Variants in IFT27 observed in about 807,000 individuals in gnomAD.
The protein encoded by IFT27 is intraflagellar transport protein 27 homolog.
A neutral mutation model predicts 23.9 loss-of-function variants in IFT27; 19 were observed. The ratio of observed to expected loss-of-function variants is 0.79; its 90% CI spans 0.55 to 1.16. The LOEUF (loss-of-function observed/expected upper bound fraction) is 1.16, where lower values mean the gene tolerates loss of function less well. Ranked by LOEUF, IFT27 falls within the 50% of genes most tolerant of loss-of-function variation. The pLI, the probability that IFT27 is intolerant of heterozygous loss-of-function variation, is 0.00. For synonymous variants in IFT27, 91 were observed against 89.1 expected (o/e 1.02, Z -0.12); for missense variants, 206 against 228.7 (o/e 0.90, Z 0.64).
In IFT27 at chr22:36,767,871, T is replaced by C. The variant is rs1268099247; in HGVS notation, c.35-9A>G. On this transcript the variant is annotated splice_polypyrimidine_tract_variant and intron_variant, in intron 1 of 6. Coordinates refer to ENST00000433985, the MANE Select transcript of IFT27 (RefSeq NM_001177701.3). ...GCCCACTGCTGGGTCTCCTGTGAGA[T>C]CAGAAAAGAAGAAAAAGAACGCCTT... 6.2e-7 allele frequency: 1 copy of C among 1,612,246 alleles called. No individual in the cohort carries two copies. The highest frequency in any genetic ancestry group is 8.5e-7 in the Non-Finnish European group (1 of 1,178,476).
intron 1 of IFT27, among the ~76,000 whole-genome samples, chr22:36,773,186 C>T (rs2145925809): frequency 6.6e-6 from 1 of 151,528 alleles, no homozygotes; most frequent in Admixed American, 6.6e-5. Context: ...TGGTGAAACC[C>T]CATCTCTACT....
In IFT27 at chr22:36,775,724, G is replaced by A. The variant is rs1172391809; in HGVS notation, c.-17C>T. The A allele has an allele frequency of 1.2e-6, 2 of 1,613,996 alleles. No individual in the cohort carries two copies. Among genetic ancestry groups the A allele is most frequent in the Non-Finnish European group, 1.7e-6 (2 of 1,179,966 alleles). On this transcript the variant is annotated 5_prime_UTR_variant, in exon 1 of 7. Transcript: ENST00000433985. ...CTTCACCATGGTAACCAACACTCCC[G>A]CGAGCCGTACCCAGAGGACAAGAGC...
Position 36,764,033 on chromosome 22 carries a change from C to G in IFT27, c.238G>C (p.Glu80Gln), listed in dbSNP as rs1938172661. 4 of 1,607,732 alleles carry G rather than the reference C, an allele frequency of 2.5e-6. No individual in the cohort carries two copies. Among genetic ancestry groups the G allele is most frequent in the Non-Finnish European group, 3.4e-6 (4 of 1,174,042 alleles). ...LFSEMLDKLW[E>Q]SPNVLCLVYD... ...ACGAGACATAAGACATTGGGACTCT[C>G]CCACTGTGCAAGAGGGACAGGATGA... The change falls in exon 5 of 7, where the codon GAG becomes CAG. Residue 80 changes from glutamate to glutamine, a missense_variant. Coordinates refer to ENST00000433985, the MANE Select transcript of IFT27 (RefSeq NM_001177701.3).
rs1938293723 is a variant in IFT27, at chr22:36,767,832, G to T, written c.65C>A (p.Ala22Glu). Residue 22 changes from alanine to glutamate, a missense_variant, in exon 2 of 7, where the codon GCA becomes GAA. Coordinates refer to ENST00000433985, the MANE Select transcript of IFT27 (RefSeq NM_001177701.3). The part of the protein sequence containing the change: ...GDPAVGKTAL[A>E]QIFRSDGAHF... The stretch of plus-strand genomic sequence containing the variant: ...GGCTCCATCACTGCGGAAGATCTGT[G>T]CCAGGGCGGTCTTGCCCACTGCTGG... 1.2e-6 allele frequency: 2 copies of T among 1,614,200 alleles called. No homozygotes were observed. Among genetic ancestry groups the T allele is most frequent in the Non-Finnish European group, 8.5e-7 (1 of 1,180,024 alleles).
At position 36,775,962 on chromosome 22, in the gene IFT27, C is replaced by T; in HGVS notation, c.-255G>A. 3.4e-6 allele frequency: 2 copies of T among 588,440 alleles called. No individual in the cohort carries two copies. The highest frequency in any genetic ancestry group is 4.0e-5 in the South Asian group (2 of 50,454). The allele number at this position is 588,440 out of a possible 1,614,324, so 36.5% of individuals were successfully genotyped here. Reference sequence around the variant, plus strand: ...GGGCCCGGCTCGAGGCCTGACACGGCAGTCTGAAAAGGTGCAAGCGAGCGG... The same window carrying T: ...GGGCCCGGCTCGAGGCCTGACACGGTAGTCTGAAAAGGTGCAAGCGAGCGG... On this transcript the variant is annotated 5_prime_UTR_variant, in exon 1 of 7. Coordinates refer to ENST00000433985, the MANE Select transcript of IFT27 (RefSeq NM_001177701.3).
chr22:36,763,156 G>A, intron 5 of IFT27, 143 bp from the exon 6 acceptor site: 1 of 517,456 alleles, frequency 1.9e-6, no homozygotes, highest in Non-Finnish European at 3.4e-6. Context: ...CCCCCACAGG[G>A]AAAGCCGGGG....
intron 3 of IFT27, 40 bp downstream of exon 3, chr22:36,767,266 G>C: frequency 1.3e-6 from 2 of 1,555,636 alleles, no homozygotes; most frequent in Non-Finnish European, 1.8e-6. Context: ...GGGCCCAGCT[G>C]GGGGAGCCCT....
chr22:36,772,477 A>T (rs1019988880), intron 1 of IFT27: 12 of 983,866 alleles, frequency 1.2e-5, no homozygotes, highest in Middle Eastern at 5.2e-4. Context: ...GTGTTTTTTT[A>T]AAAGTAAACA....
chr22:36,775,849 C>A lies in IFT27; in HGVS notation c.-142G>T, dbSNP rs1791200920. ...TGATCTCAAGGGTCAGTGGCCGCGA[C>A]GGGACTGGGGATGACCGAGCCCGGC... On this transcript the variant is annotated 5_prime_UTR_variant, in exon 1 of 7. Coordinates refer to ENST00000433985, the MANE Select transcript of IFT27 (RefSeq NM_001177701.3). 22 of 485,826 alleles carry A rather than the reference C, an allele frequency of 4.5e-5. 1 individual carries two copies. The highest frequency in any genetic ancestry group is 3.5e-4 in the South Asian group (21 of 60,110). 30.1% of individuals were successfully genotyped at this position (485,826 alleles called of 1,614,324 possible).
rs879197195 is a variant in IFT27 at position 36,775,834 on chromosome 22, G to C, written c.-127C>G. 6 of 900,290 alleles carry C rather than the reference G, an allele frequency of 6.7e-6. No individual in the cohort carries two copies. Among genetic ancestry groups the C allele is most frequent in the East Asian group, 5.2e-5 (2 of 38,132 alleles). The allele number at this position is 900,290 out of a possible 1,614,324, so 55.8% of individuals were successfully genotyped here. On this transcript the variant is annotated 5_prime_UTR_variant, in exon 1 of 7. Coordinates refer to ENST00000433985, the MANE Select transcript of IFT27 (RefSeq NM_001177701.3). The stretch of plus-strand genomic sequence containing the variant: ...TGGGGAGGGGAGGGCTGATCTCAAG[G>C]GTCAGTGGCCGCGACGGGACTGGGG...
At chr22:36,764,095 G>A (rs2145916838) in intron 4 of IFT27, 59 bp from the exon 5 acceptor site, 3 of 1,297,682 alleles carry the variant, frequency 2.3e-6, no homozygotes, top group East Asian at 4.6e-5. Flanking sequence ...CTTCAAGGCT[G>A]GGAGACAATT....
intron 6 of IFT27, chr22:36,760,901 TG>T (rs1938072779): frequency 6.0e-6 from 1 of 167,072 alleles, no homozygotes. Flanking sequence ...GGACCTCCTT[TG>T]GGTAGGCAGG....
intron 6 of IFT27, chr22:36,758,663 T>C (rs1354780236): frequency 1.2e-5 from 6 of 502,538 alleles, no homozygotes; most frequent in South Asian, 2.3e-5. Flanking sequence ...CCTGAACCCA[T>C]GTCTGTTTCT....
At chr22:36,771,467 C>T (rs189438965) in intron 1 of IFT27, among the ~76,000 whole-genome samples, 4 of 152,280 alleles carry the variant, frequency 2.6e-5, no homozygotes, top group East Asian at 1.9e-4. Flanking sequence ...GCCCTGAACA[C>T]AGGGCTGGGC....
At chr22:36,768,269 C>T (rs1938306044) in intron 1 of IFT27, 2 of 360,454 alleles carry the variant, frequency 5.5e-6, no homozygotes, top group African/African-American at 2.1e-5. Flanking sequence ...GGCAGAGTCA[C>T]CTGTCCAACT....
At chr22:36,775,573 A>C in intron 1 of IFT27, 101 bp downstream of exon 1, 1 of 1,266,230 alleles carries the variant, frequency 7.9e-7, no homozygotes, top group Non-Finnish European at 1.2e-6. Context: ...GGAGAGAGAA[A>C]GGAAAAGGTA....
chr22:36,763,663 C>A (rs570393567), intron 5 of IFT27: 32 of 566,142 alleles, frequency 5.7e-5, no homozygotes, highest in South Asian at 2.1e-4. Flanking sequence ...ATTACAGCAC[C>A]CTCCCGTTAT....
intron 1 of IFT27, chr22:36,768,319 T>A: frequency 2.9e-6 from 1 of 345,244 alleles, no homozygotes; most frequent in African/African-American, 2.1e-5. Context: ...GAATACTTTT[T>A]TGTGTGGGGC....
intron 6 of IFT27, chr22:36,762,481 T>G (rs1938116649): frequency 1.3e-5 from 2 of 154,068 alleles, no homozygotes; most frequent in African/African-American, 2.4e-5. Context: ...CACCCTTCGC[T>G]AATCATGGGA....
Sources: allele counts gnomAD v4.1 joint callset (sites outside exome capture counted in the v4.1 genomes callset), GRCh38; gene constraint gnomAD v4.1.1; transcripts MANE v1.5; gene names NCBI Gene and HGNC (gene_info 2026-07-23, HGNC 2026-07-21).